PIP5K1B: variants seen among roughly 807,000 people sequenced by gnomAD.
PIP5K1B encodes the protein phosphatidylinositol 4-phosphate 5-kinase type-1 beta.
A neutral mutation model predicts 67.0 loss-of-function variants in PIP5K1B; 42 were observed. The ratio of observed to expected loss-of-function variants is 0.63; its 90% CI spans 0.49 to 0.81. PIP5K1B has a LOEUF of 0.81. Among genes scored for constraint, PIP5K1B ranks in the 30% least tolerant of loss-of-function variants. The probability of loss-of-function intolerance (pLI) is 0.00; values close to 1 mark genes in which losing one functional copy is unlikely to be tolerated. For synonymous variants in PIP5K1B, 214 were observed against 231.4 expected, an observed-to-expected ratio of 0.92 and a Z score of 0.68; for missense variants, 459 against 646.3, an observed-to-expected ratio of 0.71 and a Z score of 3.14.
At chr9:68,803,536 A>G (rs1193238410) in intron 2 of PIP5K1B, among the ~76,000 whole-genome samples, 1 of 152,234 alleles carries the variant, frequency 6.6e-6, no homozygotes, top group Non-Finnish European at 1.5e-5. Context: ...CCAGGCATAT[A>G]TGGAGGCCCT....
chr9:68,915,777 T>C (rs1826062361), intron 8 of PIP5K1B, among the ~76,000 whole-genome samples: 1 of 152,230 alleles, frequency 6.6e-6, no homozygotes, highest in Non-Finnish European at 1.5e-5. Flanking sequence ...CCTTCTGAAC[T>C]TGACTTTTTG....
At chr9:68,799,250 T>C (rs915301709) in intron 2 of PIP5K1B, among the ~76,000 whole-genome samples, 1 of 152,240 alleles carries the variant, frequency 6.6e-6, no homozygotes, top group Non-Finnish European at 1.5e-5. Flanking sequence ...TTGAAAATAC[T>C]GAAACTCTCT....
intron 8 of PIP5K1B, among the ~76,000 whole-genome samples, chr9:68,896,348 A>AG (rs1347258785): frequency 8.7e-6 from 1 of 114,550 alleles, no homozygotes; most frequent in African/African-American, 3.1e-5. Flanking sequence ...CTTCTCTGCC[A>AG]GAAAAAAAAA....
At chr9:69,005,536 G>A (rs545205820) in intron 15 of PIP5K1B, among the ~76,000 whole-genome samples, 28 of 151,760 alleles carry the variant, frequency 1.8e-4, no homozygotes, top group African/African-American at 4.4e-4. Context: ...GCCACCACAC[G>A]CGGCTAATTT....
intron 12 of PIP5K1B, among the ~76,000 whole-genome samples, chr9:68,934,173 C>T (rs536726099): frequency 9.9e-5 from 15 of 152,200 alleles, no homozygotes; most frequent in Non-Finnish European, 1.8e-4. Context: ...CTTCCATGGA[C>T]GTGTCCTCCA....
chr9:68,913,642 T>A (rs896687940), intron 8 of PIP5K1B, among the ~76,000 whole-genome samples: 14 of 151,338 alleles, frequency 9.3e-5, no homozygotes, highest in South Asian at 2.1e-4. Context: ...TCGATGGTGA[T>A]TTTTCCCAAC....
intron 8 of PIP5K1B, among the ~76,000 whole-genome samples, chr9:68,906,809 A>G (rs996768743): frequency 6.6e-6 from 1 of 152,170 alleles, no homozygotes; most frequent in East Asian, 1.9e-4. Flanking sequence ...TGTTTGCTGC[A>G]TTTTCATAAG....
At chr9:68,816,263 G>A (rs1461756321) in intron 2 of PIP5K1B, among the ~76,000 whole-genome samples, 1 of 152,042 alleles carries the variant, frequency 6.6e-6, no homozygotes, top group African/African-American at 2.4e-5. Context: ...CGAGTAGCTG[G>A]GATTACAGGC....
intron 14 of PIP5K1B, among the ~76,000 whole-genome samples, chr9:68,990,907 C>T (rs773257936): frequency 2.6e-5 from 4 of 152,056 alleles, no homozygotes; most frequent in Admixed American, 2.6e-4. Context: ...CGTGATCCGC[C>T]GGCCTCAGCC....
rs558810934 is a variant in PIP5K1B at position 68,735,316 on chromosome 9, CTTTTTTT to C, written c.-242-7163_-242-7157del. Among the ~76,000 whole-genome samples, 45 of 29,802 alleles carry C rather than the reference CTTTTTTT, an allele frequency of 1.5e-3. No individual in the cohort carries two copies. In the East Asian group the frequency reaches 0.018, roughly 12 times the overall value. The allele number at this position is 29,802 out of a possible 152,430, so 19.6% of individuals were successfully genotyped here. On this transcript the variant is annotated intron_variant, in intron 1 of 15. Transcript: ENST00000265382. The stretch of plus-strand genomic sequence containing the variant: ...CAGATTTGCTGTTTTCCCCTAGTGT[CTTTTTTT>C]TTTTTTTTTTTTTTTTTTTTTGGTG...
chr9:68,792,581 C>G (rs553945820), intron 2 of PIP5K1B, among the ~76,000 whole-genome samples: 68 of 152,180 alleles, frequency 4.5e-4, no homozygotes, highest in African/African-American at 1.6e-3. Context: ...CCAGGTTCAG[C>G]CATTCTCCTG....
intron 1 of PIP5K1B, among the ~76,000 whole-genome samples, chr9:68,713,323 C>T (rs760359631): frequency 5.3e-5 from 8 of 152,156 alleles, no homozygotes; most frequent in African/African-American, 1.9e-4. Flanking sequence ...CGCTTGAACC[C>T]GGGATGCAGA....
intron 14 of PIP5K1B, among the ~76,000 whole-genome samples, chr9:68,990,098 G>T (rs1186522854): frequency 6.6e-6 from 1 of 152,198 alleles, no homozygotes; most frequent in African/African-American, 2.4e-5. Context: ...CTGTCTACCT[G>T]CATTCCTTTG....
intron 2 of PIP5K1B, among the ~76,000 whole-genome samples, chr9:68,767,834 A>G (rs537897210): frequency 6.6e-6 from 1 of 152,248 alleles, no homozygotes; most frequent in East Asian, 1.9e-4. Flanking sequence ...AAGTTTGTCA[A>G]AACTAACTGA....
At position 68,917,631 on chromosome 9, in the gene PIP5K1B, G is replaced by A. The variant is rs61752951; in HGVS notation, c.855G>A (p.Glu285=). 9,284 of 1,613,924 alleles carry A rather than the reference G, an allele frequency of 5.8e-3. 35 individuals carry two copies. The highest frequency in any genetic ancestry group is 6.8e-3 in the Non-Finnish European group (8,074 of 1,179,806). Residue 285 remains glutamate, a synonymous_variant, in exon 9 of 16, where the codon GAG becomes GAA. Coordinates refer to ENST00000265382, the MANE Select transcript of PIP5K1B (RefSeq NM_003558.4). ...FLDHSLKEKE[E]ETPQNVPDAK... Reference sequence around the variant, plus strand: ...ACCATTCCCTCAAAGAGAAAGAGGAGGAGACCCCACAAAATGTGCCTGATG... The same window carrying A: ...ACCATTCCCTCAAAGAGAAAGAGGAAGAGACCCCACAAAATGTGCCTGATG...
chr9:68,969,668 G>T (rs1461738460), intron 14 of PIP5K1B, among the ~76,000 whole-genome samples: 1 of 152,150 alleles, frequency 6.6e-6, no homozygotes, highest in East Asian at 1.9e-4. Context: ...GGTCAACATT[G>T]TGAGATATCT....
At chr9:69,005,564 C>T (rs1352871043) in intron 15 of PIP5K1B, among the ~76,000 whole-genome samples, 3 of 151,754 alleles carry the variant, frequency 2.0e-5, no homozygotes, top group Admixed American at 1.3e-4. Context: ...TTAGTAGAGA[C>T]GGGGTTTCTC....
At chr9:68,757,851 T>A (rs1175247737) in intron 2 of PIP5K1B, among the ~76,000 whole-genome samples, 1 of 152,118 alleles carries the variant, frequency 6.6e-6, no homozygotes, top group East Asian at 1.9e-4. Flanking sequence ...ACTCTGACTC[T>A]GCCACCGAGT....
intron 14 of PIP5K1B, among the ~76,000 whole-genome samples, chr9:68,981,111 G>A (rs1208125502): frequency 1.3e-5 from 2 of 152,142 alleles, no homozygotes; most frequent in Non-Finnish European, 2.9e-5. Context: ...AATATGAACA[G>A]CCCTGACAAA....
Sources: allele counts gnomAD v4.1 joint callset (sites outside exome capture counted in the v4.1 genomes callset), GRCh38; gene constraint gnomAD v4.1.1; transcripts MANE v1.5; gene names NCBI Gene and HGNC (gene_info 2026-07-23, HGNC 2026-07-21).